The following EIF4G1 variants were observed in gnomAD, a reference collection of about 807,000 sequenced individuals.
The protein encoded by EIF4G1 is eukaryotic translation initiation factor 4 gamma 1, also known as EIF4-gamma.
In EIF4G1, 4 loss-of-function variants were observed where a neutral mutation model predicts 187.8. The ratio of observed to expected loss-of-function variants is 0.02; its 90% CI spans 0.01 to 0.05. The LOEUF (loss-of-function observed/expected upper bound fraction) is 0.05, where lower values mean the gene tolerates loss of function less well. Among genes scored for constraint, EIF4G1 ranks in the 10% least tolerant of loss-of-function variants. EIF4G1 has a pLI of 1.00. For synonymous variants in EIF4G1, 844 were observed against 781.4 expected (o/e 1.08, Z -1.34); for missense variants, 1,647 against 2,081.1 (o/e 0.79, Z 4.06).
chr3:184,332,155 C>G (rs1726236218), intron 32 of EIF4G1, 69 bp downstream of exon 32: 2 of 1,607,284 alleles, frequency 1.2e-6, no homozygotes, highest in Non-Finnish European at 1.7e-6. Flanking sequence ...TGAGACCCTT[C>G]ATGGAAGGGT....
At position 184,323,493 on chromosome 3, in the gene EIF4G1, T is replaced by C; in HGVS notation, c.2174T>C (p.Ile725Thr). ...IIATVLMTED[I>T]KLNKAEKAWK... Reference sequence around the variant, plus strand: ...GCCACAGTGTTAATGACCGAAGATATAAAACTGAACAAAGCAGAGAAAGCC... The same window carrying C: ...GCCACAGTGTTAATGACCGAAGATACAAAACTGAACAAAGCAGAGAAAGCC... The change falls in exon 15 of 33, where the codon ATA (isoleucine) becomes ACA (threonine). Residue 725 changes from isoleucine (I) to threonine (T), a missense_variant. Ile to Thr is a moderately conservative substitution (Grantham distance 89, BLOSUM62 -1). Coordinates refer to ENST00000346169, the MANE Select transcript of EIF4G1 (RefSeq NM_198241.3). This position sits in a 1 kb window ranked among gnomAD's most constrained non-coding sequence, Gnocchi z 6.9. The C allele has an allele frequency of 6.2e-7, 1 of 1,613,896 alleles. No individual in the cohort carries two copies. Among genetic ancestry groups the C allele is most frequent in the Non-Finnish European group, 8.5e-7 (1 of 1,180,002 alleles).
At chr3:184,326,265 T>C (rs909179924) in intron 21 of EIF4G1, among the ~76,000 whole-genome samples, 1 of 152,236 alleles carries the variant, frequency 6.6e-6, no homozygotes, top group African/African-American at 2.4e-5. Flanking sequence ...TAATTTATGC[T>C]GTGGAAATTA....
At chr3:184,330,466 A>G (rs930342572) in intron 28 of EIF4G1, among the ~76,000 whole-genome samples, 5 of 152,208 alleles carry the variant, frequency 3.3e-5, no homozygotes, top group Admixed American at 1.3e-4. Context: ...GTGAACTGCA[A>G]TAATCTTGCT....
intron 9 of EIF4G1, 102 bp from the exon 10 acceptor site, chr3:184,321,180 G>A (rs1206690743): frequency 6.5e-7 from 1 of 1,535,874 alleles, no homozygotes; most frequent in Non-Finnish European, 9.0e-7. Context: ...AGAAGATGAT[G>A]CGGGGTTATT....
At position 184,321,315 on chromosome 3, in the gene EIF4G1, G is replaced by C. The variant is rs147855566; in HGVS notation, c.731G>C (p.Arg244Pro). 11 of 1,613,966 alleles carry C rather than the reference G, an allele frequency of 6.8e-6. No homozygotes were observed. The highest frequency in any genetic ancestry group is 1.7e-5 in the Admixed American group (1 of 59,996). Residue 244 changes from arginine to proline, a missense_variant, in exon 10 of 33, where the codon CGG becomes CCG. Physicochemically the swap from Arg to Pro is moderately radical, Grantham distance 103. Coordinates refer to ENST00000346169, the MANE Select transcript of EIF4G1 (RefSeq NM_198241.3). ...DRSQGAIIAD[R>P]PGLPGPEHSP... ...TCACAGGGAGCAATCATTGCTGACC[G>C]GCCAGGGCTGCCTGGCCCAGAGCAT... is the stretch of plus-strand genomic sequence containing the variant.
rs1477504546 is a variant in EIF4G1 at position 184,321,000 on chromosome 3, A to G, written c.697+7A>G. On this transcript the variant is annotated splice_region_variant and intron_variant, in intron 9 of 32. Transcript: ENST00000346169. Reference sequence around the variant, plus strand: ...GCTGTCATTGTCCGGCCAGGTAAGTAAGCCGGTGGGACGGAGCTTTTATGG... The same window carrying G: ...GCTGTCATTGTCCGGCCAGGTAAGTGAGCCGGTGGGACGGAGCTTTTATGG... 2 of 1,613,640 alleles carry G rather than the reference A, an allele frequency of 1.2e-6. No individual in the cohort carries two copies. The highest frequency in any genetic ancestry group is 2.2e-5 in the East Asian group (1 of 44,872).
rs1269664355 is a variant in EIF4G1 at position 184,334,981 on chromosome 3, G to C, written c.*73G>C. On this transcript the variant is annotated 3_prime_UTR_variant, in exon 33 of 33. Coordinates refer to ENST00000346169, the MANE Select transcript of EIF4G1 (RefSeq NM_198241.3). This position sits in a 1 kb window ranked among gnomAD's most constrained non-coding sequence, Gnocchi z 5.8. ...CCGGCTAGCCGCCTGGACTGCAGGGGGGCGGCAGCAGCGGCGGTGGCAGTG... is the reference window on the plus strand; with the variant it reads ...CCGGCTAGCCGCCTGGACTGCAGGGCGGCGGCAGCAGCGGCGGTGGCAGTG... The C allele has an allele frequency of 6.3e-7, 1 of 1,594,024 alleles. No individual in the cohort carries two copies. The highest frequency in any genetic ancestry group is 1.3e-5 in the African/African-American group (1 of 74,524).
At chr3:184,324,178 G>A (rs1331815326) in intron 16 of EIF4G1, 23 bp from the exon 17 acceptor site, 1 of 1,614,236 alleles carries the variant, frequency 6.2e-7, no homozygotes. Flanking sequence ...AGTCTTGAGT[G>A]TGACATTCTC....
Position 184,321,907 on chromosome 3 carries a change from T to C in EIF4G1, c.1323T>C (p.Thr441=). 6.2e-7 allele frequency: 1 copy of C among 1,614,072 alleles called. No individual in the cohort carries two copies. Among genetic ancestry groups the C allele is most frequent in the East Asian group, 2.2e-5 (1 of 44,882 alleles). ...CGCCCCCCACCATCCCCTCTGCTAC[T>C]CCAGCTACGGCTCCTTCAGCTACTT... ...SMAPPTIPSA[T]PATAPSATSP... is the part of the protein sequence containing the mutation. The change falls in exon 10 of 33, where the codon ACT becomes ACC. Residue 441 remains threonine, a synonymous_variant. Coordinates refer to ENST00000346169, the MANE Select transcript of EIF4G1 (RefSeq NM_198241.3).
chr3:184,332,204 A>C, intron 32 of EIF4G1, 118 bp downstream of exon 32: 1 of 1,352,544 alleles, frequency 7.4e-7, no homozygotes, highest in Non-Finnish European at 1.0e-6. Context: ...AGAGAGCAAA[A>C]TGCCCTCTGG....
At chr3:184,324,019 C>G (rs1724385217) in intron 16 of EIF4G1, 42 bp downstream of exon 16, 1 of 1,612,054 alleles carries the variant, frequency 6.2e-7, no homozygotes, top group Admixed American at 1.7e-5. Flanking sequence ...TCTGGTTGCC[C>G]ATTCCTATTC....
intron 12 of EIF4G1, 33 bp downstream of exon 12, chr3:184,322,763 G>T: frequency 6.2e-7 from 1 of 1,614,206 alleles, no homozygotes; most frequent in Admixed American, 1.7e-5. Flanking sequence ...AATGGCTTGA[G>T]TTTTCTTATT....
rs1723851397 is a variant in EIF4G1 at position 184,321,227 on chromosome 3, C to G, written c.698-55C>G. ...GCCTGGGCTGGAGGATGGGGAGGAA[C>G]AACAGCAGTTAAGCACTTGCCTTTA... On this transcript the variant is annotated intron_variant, in intron 9 of 32. Coordinates refer to ENST00000346169, the MANE Select transcript of EIF4G1 (RefSeq NM_198241.3). The G allele has an allele frequency of 1.9e-6, 3 of 1,607,394 alleles. No individual in the cohort carries two copies. The East Asian group carries it at 6.7e-5, about 36-fold the overall frequency.
rs745555426 is a variant in EIF4G1 at position 184,323,760 on chromosome 3, CTT to C, written c.2275-19_2275-18del. On this transcript the variant is annotated intron_variant, in intron 15 of 32. Coordinates refer to ENST00000346169, the MANE Select transcript of EIF4G1 (RefSeq NM_198241.3). The surrounding 1 kb of genome is among the most constrained non-coding windows in gnomAD (Gnocchi z 6.9). ...CTGTTCTGAGACCCTCACTGGAACT[CTT>C]GTCTCTTCTCCCTCCAGGACCTATT... 3.7e-6 allele frequency: 6 copies of C among 1,613,024 alleles called. No homozygotes were observed. Among genetic ancestry groups the C allele is most frequent in the South Asian group, 2.2e-5 (2 of 91,008 alleles).
Position 184,334,973 on chromosome 3 carries a change from C to T in EIF4G1, c.*65C>T. Reference sequence around the variant, plus strand: ...CAGATGGCCCGGCTAGCCGCCTGGACTGCAGGGGGGCGGCAGCAGCGGCGG... The same window carrying T: ...CAGATGGCCCGGCTAGCCGCCTGGATTGCAGGGGGGCGGCAGCAGCGGCGG... On this transcript the variant is annotated 3_prime_UTR_variant, in exon 33 of 33. Transcript: ENST00000346169. The surrounding 1 kb of genome is among the most constrained non-coding windows in gnomAD (Gnocchi z 5.8). 2.5e-6 allele frequency: 4 copies of T among 1,601,712 alleles called. No individual in the cohort carries two copies. Among genetic ancestry groups the T allele is most frequent in the Non-Finnish European group, 3.4e-6 (4 of 1,172,964 alleles).
chr3:184,331,577 A>G lies in EIF4G1; in HGVS notation c.4366A>G (p.Ser1456Gly). The stretch of plus-strand genomic sequence containing the variant: ...GGAGAAGCTGCTGAAGGAGGGCAGC[A>G]GTAACCAGCGGGTGTTCGACTGGAT... Reference protein sequence around the residue: ...QLEKLLKEGSSNQRVFDWIEA... With the variant: ...QLEKLLKEGSGNQRVFDWIEA... The change falls in exon 30 of 33, where the codon AGT becomes GGT. Residue 1456 changes from serine to glycine, a missense_variant. Ser to Gly is a moderately conservative substitution (Grantham distance 56). Around this residue, in one of 11 missense-constraint regions of EIF4G1, gnomAD observed 543 missense variants for 638.0 expected, o/e 0.85. Coordinates refer to ENST00000346169, the MANE Select transcript of EIF4G1 (RefSeq NM_198241.3). 6.4e-7 allele frequency: 1 copy of G among 1,567,028 alleles called. No homozygotes were observed.
At chr3:184,317,608 C>T (rs1218175786) in intron 5 of EIF4G1, 109 bp from the exon 6 acceptor site, 7 of 1,537,098 alleles carry the variant, frequency 4.6e-6, no homozygotes, top group Non-Finnish European at 6.3e-6. Flanking sequence ...TCCTTCTGGT[C>T]ATTGCCCAGA....
chr3:184,322,149 C>A (rs16858641), intron 10 of EIF4G1, 46 bp downstream of exon 10: 3 of 1,612,628 alleles, frequency 1.9e-6, no homozygotes, highest in Admixed American at 3.3e-5. Context: ...TAGGGGATAT[C>A]GTTCCTTGCC....
At chr3:184,331,401 G>A (rs1357495890) in intron 29 of EIF4G1, 37 bp downstream of exon 29, 8 of 1,614,210 alleles carry the variant, frequency 5.0e-6, no homozygotes, top group South Asian at 1.1e-5. Context: ...TAGCATTTGA[G>A]GCTGGCCAGT....
Sources: allele counts gnomAD v4.1 joint callset (sites outside exome capture counted in the v4.1 genomes callset), GRCh38; gene constraint gnomAD v4.1.1; regional missense constraint gnomAD v4.1.1; non-coding constraint Gnocchi (gnomAD v3.1); transcripts MANE v1.5; gene names NCBI Gene and HGNC (gene_info 2026-07-23, HGNC 2026-07-21).